The following XKR9 variants were observed in gnomAD, a reference collection of about 807,000 sequenced individuals.
The protein encoded by XKR9 is XK related 9.
In XKR9, 32 loss-of-function variants were observed where a neutral mutation model predicts 32.0. The observed-to-expected ratio is 1.00, with a 90% confidence interval of 0.76 to 1.34. The LOEUF (loss-of-function observed/expected upper bound fraction) is 1.34, where lower values mean the gene tolerates loss of function less well. Ranked by LOEUF, XKR9 falls within the 40% of genes most tolerant of loss-of-function variation. The pLI, the probability that XKR9 is intolerant of heterozygous loss-of-function variation, is 0.00. For synonymous variants in XKR9, 168 were observed against 143.4 expected (o/e 1.17, Z -1.22); for missense variants, 546 against 429.7 (o/e 1.27, Z -2.39).
rs1020007308 is a variant in XKR9 at position 70,713,855 on chromosome 8, G to A, written c.493+6702G>A. Reference sequence around the variant, plus strand: ...AATAACAATATTATGAAAAAAATTAGGTATTGTATGTGTTTGCTTGGGCGG... The same window carrying A: ...AATAACAATATTATGAAAAAAATTAAGTATTGTATGTGTTTGCTTGGGCGG... On this transcript the variant is annotated intron_variant, in intron 4 of 4. Transcript: ENST00000408926. Among the ~76,000 whole-genome samples, 5 of 152,050 alleles carry A rather than the reference G, an allele frequency of 3.3e-5. No individual in the cohort carries two copies. In the South Asian group the frequency reaches 1.0e-3, roughly 32 times the overall value.
chr8:70,772,547 C>G (rs776415567), intron 2 of XKR9, among the ~76,000 whole-genome samples: 24 of 152,132 alleles, frequency 1.6e-4, no homozygotes, highest in Non-Finnish European at 1.5e-4. Flanking sequence ...CACTAGCTAA[C>G]AAGCCAGGAA....
the XKR9 span, among the ~76,000 whole-genome samples, chr8:71,061,455 C>T: frequency 6.6e-6 from 1 of 152,206 alleles, no homozygotes; most frequent in African/African-American, 2.4e-5. Flanking sequence ...TCTCTGTGCT[C>T]TCTTATTAAT....
the XKR9 span, among the ~76,000 whole-genome samples, chr8:71,023,094 A>G: frequency 2.6e-5 from 4 of 151,952 alleles, no homozygotes; most frequent in Non-Finnish European, 4.4e-5. Flanking sequence ...ATTCTTTTTC[A>G]GGCATTCTAT....
the XKR9 span, among the ~76,000 whole-genome samples, chr8:70,936,342 T>A: frequency 6.6e-6 from 1 of 152,234 alleles, no homozygotes; most frequent in East Asian, 1.9e-4. Context: ...TGAAACAATC[T>A]GCTCCTGTGA....
At chr8:70,939,492 C>T in the XKR9 span, among the ~76,000 whole-genome samples, 7 of 152,178 alleles carry the variant, frequency 4.6e-5, no homozygotes, top group East Asian at 1.9e-4. Flanking sequence ...CCTGAATCAA[C>T]GATTTGGATT....
rs1368435537 is a variant in XKR9 at position 70,718,287 on chromosome 8, A to G, written c.493+11134A>G. ...CTTTGTTTATTTATTTTATTAATCT[A>G]TTTATTTATTTTTATTATTTATTTA... On this transcript the variant is annotated intron_variant, in intron 4 of 4. Coordinates refer to ENST00000408926, the MANE Select transcript of XKR9 (RefSeq NM_001011720.2). Among the ~76,000 whole-genome samples the G allele has an allele frequency of 3.3e-5, 5 of 149,810 alleles. No homozygotes were observed. In the East Asian group the frequency reaches 9.7e-4, roughly 29 times the overall value.
chr8:70,772,329 G>C (rs529713692), intron 2 of XKR9, among the ~76,000 whole-genome samples: 4 of 152,290 alleles, frequency 2.6e-5, no homozygotes, highest in Admixed American at 2.6e-4. Context: ...CACAGGAAAA[G>C]ATGCACCTCT....
chr8:71,007,577 T>C, the XKR9 span, among the ~76,000 whole-genome samples: 1 of 151,942 alleles, frequency 6.6e-6, no homozygotes, highest in African/African-American at 2.4e-5. Context: ...AAAATTATAA[T>C]ATGGAAAATA....
At chr8:70,694,693 C>T (rs1359745304) in intron 3 of XKR9, among the ~76,000 whole-genome samples, 2 of 152,310 alleles carry the variant, frequency 1.3e-5, no homozygotes, top group Middle Eastern at 6.8e-3. Context: ...GGTGCAATGC[C>T]GCTATTGGTA....
intron 4 of XKR9, among the ~76,000 whole-genome samples, chr8:70,726,618 G>C (rs1049941711): frequency 6.6e-6 from 1 of 152,190 alleles, no homozygotes; most frequent in African/African-American, 2.4e-5. Flanking sequence ...GTATGATTCT[G>C]AGGACAAATT....
At chr8:70,844,831 G>A in the XKR9 span, among the ~76,000 whole-genome samples, 1 of 152,180 alleles carries the variant, frequency 6.6e-6, no homozygotes, top group Non-Finnish European at 1.5e-5. Flanking sequence ...ACTAATGCAT[G>A]CCACTTCAAA....
intron 2 of XKR9, among the ~76,000 whole-genome samples, chr8:70,679,383 C>G (rs1818995876): frequency 6.6e-6 from 1 of 152,164 alleles, no homozygotes; most frequent in Non-Finnish European, 1.5e-5. Flanking sequence ...TATTATCTTT[C>G]TTGACCTTCA....
chr8:70,988,367 C>A, the XKR9 span, among the ~76,000 whole-genome samples: 3 of 149,064 alleles, frequency 2.0e-5, no homozygotes, highest in African/African-American at 7.4e-5. Flanking sequence ...CAGAAAAAAA[C>A]CCAAGCAAAT....
downstream of XKR9, among the ~76,000 whole-genome samples, chr8:70,737,729 T>C (rs1806891300): frequency 7.9e-6 from 1 of 126,740 alleles, no homozygotes; most frequent in Non-Finnish European, 1.9e-5. Flanking sequence ...GAGATAATCA[T>C]GTGGTTTTTG....
At chr8:70,737,309 C>G (rs1229039461), downstream of XKR9, among the ~76,000 whole-genome samples, 1 of 146,378 alleles carries the variant, frequency 6.8e-6, no homozygotes, top group Non-Finnish European at 1.5e-5. Flanking sequence ...GATTTTTGTA[C>G]ATTGATTTTG....
intron 4 of XKR9, among the ~76,000 whole-genome samples, chr8:70,719,104 A>G (rs1048470936): frequency 6.6e-6 from 1 of 151,988 alleles, no homozygotes; most frequent in Non-Finnish European, 1.5e-5. Flanking sequence ...TGTTGGCCAC[A>G]TGTCTTCTTT....
At chr8:70,964,182 A>T in the XKR9 span, among the ~76,000 whole-genome samples, 1 of 152,174 alleles carries the variant, frequency 6.6e-6, no homozygotes, top group African/African-American at 2.4e-5. Context: ...GATTTTCTCC[A>T]TATGGCTAGC....
At chr8:70,903,383 G>T in the XKR9 span, among the ~76,000 whole-genome samples, 2 of 152,110 alleles carry the variant, frequency 1.3e-5, no homozygotes, top group Non-Finnish European at 2.9e-5. Flanking sequence ...CATGTGTCCA[G>T]GAATTTATCC....
At chr8:70,826,470 A>G in the XKR9 span, among the ~76,000 whole-genome samples, 2 of 152,176 alleles carry the variant, frequency 1.3e-5, no homozygotes, top group Admixed American at 1.3e-4. Context: ...GTTTAATTAA[A>G]GCCAGACAAA....
Sources: allele counts gnomAD v4.1 joint callset (sites outside exome capture counted in the v4.1 genomes callset), GRCh38; gene constraint gnomAD v4.1.1; transcripts MANE v1.5; gene names NCBI Gene and HGNC (gene_info 2026-07-23, HGNC 2026-07-21).